The following DGLUCY variants were observed in gnomAD, a reference collection of about 807,000 sequenced individuals.
DGLUCY encodes D-glutamate cyclase, also known as D-glutamate cyclase, mitochondrial.
In DGLUCY, 58 loss-of-function variants were observed where a neutral mutation model predicts 58.5. The observed-to-expected ratio is 0.99, with a 90% CI of 0.80 to 1.23. DGLUCY has a LOEUF of 1.23. Ranked by LOEUF, DGLUCY falls within the 50% of genes most tolerant of loss-of-function variation. DGLUCY has a pLI of 0.00. For missense variants in DGLUCY, 779 were observed against 784.7 expected (o/e 0.99, Z 0.09); for synonymous variants, 325 against 314.1 (o/e 1.03, Z -0.37).
Position 91,199,782 on chromosome 14 carries a change from C to T in DGLUCY, c.1321C>T (p.Arg441Cys), listed in dbSNP as rs764941258. The T allele has an allele frequency of 9.3e-6, 15 of 1,614,018 alleles. No homozygotes were observed. Among genetic ancestry groups the T allele is most frequent in the South Asian group, 5.5e-5 (5 of 91,080 alleles). ...ATTTGACCACCTGGTGGCCATAGAGCGTGCCGGAAGAGCTGCTGATGGCAA... is the reference window on the plus strand; with the variant it reads ...ATTTGACCACCTGGTGGCCATAGAGTGTGCCGGAAGAGCTGCTGATGGCAA... ...PRFDHLVAIE[R>C]AGRAADGNYY... The change falls in exon 11 of 14, where the codon CGT becomes TGT. Residue 441 changes from arginine (R) to cysteine (C), a missense_variant. Physicochemically the swap from Arg to Cys is radical, Grantham distance 180. Transcript: ENST00000256324.
At chr14:91,127,053 C>T (rs201399628) in intron 1 of DGLUCY, among the ~76,000 whole-genome samples, 4 of 98,344 alleles carry the variant, frequency 4.1e-5, no homozygotes, top group African/African-American at 1.2e-4. Flanking sequence ...TGATGATACT[C>T]TTTTTTTTTT....
At chr14:91,076,147 C>T (rs928159189) in intron 1 of DGLUCY, among the ~76,000 whole-genome samples, 4 of 151,842 alleles carry the variant, frequency 2.6e-5, no homozygotes, top group Non-Finnish European at 5.9e-5. Context: ...CAGTGCCTGC[C>T]CTTAAGAAGC....
chr14:91,087,739 G>C (rs2044246537), intron 1 of DGLUCY, among the ~76,000 whole-genome samples: 1 of 152,226 alleles, frequency 6.6e-6, no homozygotes, highest in African/African-American at 2.4e-5. Context: ...ACTGGGCACA[G>C]CAGTAGGGTG....
At chr14:91,201,960 C>T (rs962201636) in intron 11 of DGLUCY, among the ~76,000 whole-genome samples, 14 of 151,614 alleles carry the variant, frequency 9.2e-5, no homozygotes, top group Non-Finnish European at 2.1e-4. Flanking sequence ...GAGGCTGAGG[C>T]AGGAGAATTG....
Position 91,141,483 on chromosome 14 carries a change from G to C in DGLUCY, c.-81-16156G>C, listed in dbSNP as rs575886252. On this transcript the variant is annotated intron_variant, in intron 1 of 13. Transcript: ENST00000256324. ...CATTTCATCCTTAGAACGATCACAT[G>C]AGATCCATATCCCTTGACTGTTCAG... is the stretch of plus-strand genomic sequence containing the variant. 2.6e-5 allele frequency among the ~76,000 whole-genome samples: 4 copies of C among 151,518 alleles called. No homozygotes were observed. The South Asian group carries it at 8.3e-4, about 31-fold the overall frequency.
intron 10 of DGLUCY, 145 bp from the exon 11 acceptor site, chr14:91,199,612 A>G (rs575419085): frequency 1.1e-6 from 1 of 895,486 alleles, no homozygotes; most frequent in East Asian, 2.5e-5. Flanking sequence ...CCTGGCCCAG[A>G]GTAGATGTGC....
chr14:91,089,566 A>G (rs779005037), intron 1 of DGLUCY, among the ~76,000 whole-genome samples: 2 of 152,208 alleles, frequency 1.3e-5, no homozygotes, highest in Non-Finnish European at 2.9e-5. Flanking sequence ...TTGCACCTGT[A>G]ATCCCAGCAC....
chr14:91,209,495 G>A (rs2140678507), intron 12 of DGLUCY, among the ~76,000 whole-genome samples: 1 of 152,296 alleles, frequency 6.6e-6, no homozygotes, highest in Admixed American at 6.5e-5. Flanking sequence ...GGATCACGAG[G>A]TCAGGAGATC....
chr14:91,184,174 C>G (rs1318215519), intron 8 of DGLUCY, among the ~76,000 whole-genome samples: 1 of 152,060 alleles, frequency 6.6e-6, no homozygotes, highest in African/African-American at 2.4e-5. Flanking sequence ...AGGACTGATT[C>G]CAGCACCAGT....
chr14:91,183,924 C>T (rs1051325389), intron 8 of DGLUCY, among the ~76,000 whole-genome samples: 4 of 152,050 alleles, frequency 2.6e-5, no homozygotes, highest in South Asian at 2.1e-4. Context: ...TCTCATGGGC[C>T]GTGCTCCTAA....
Position 91,196,417 on chromosome 14 carries a change from G to T in DGLUCY, c.1238G>T (p.Gly413Val). 6.2e-7 allele frequency: 1 copy of T among 1,614,156 alleles called. No individual in the cohort carries two copies. Among genetic ancestry groups the T allele is most frequent in the South Asian group, 1.1e-5 (1 of 91,080 alleles). Residue 413 changes from glycine (G) to valine (V), a missense_variant, in exon 10 of 14, where the codon GGA becomes GTA. Physicochemically the swap from Gly to Val is moderately radical, Grantham distance 109. Coordinates refer to ENST00000256324, the MANE Select transcript of DGLUCY (RefSeq NM_001102368.3). ...TQIPILTYQG[G>V]SVEAAQAFLC... ...ATCCCGATATTAACTTACCAAGGTGGATCAGTGGAAGCTGCTCAGGCATTC... is the reference window on the plus strand; with the variant it reads ...ATCCCGATATTAACTTACCAAGGTGTATCAGTGGAAGCTGCTCAGGCATTC...
chr14:91,100,142 A>G (rs895815328), intron 1 of DGLUCY, among the ~76,000 whole-genome samples: 4 of 152,084 alleles, frequency 2.6e-5, no homozygotes, highest in Non-Finnish European at 5.9e-5. Context: ...ACATTTGATG[A>G]GCCCAAGTTC....
intron 13 of DGLUCY, among the ~76,000 whole-genome samples, chr14:91,221,241 G>T (rs1279405478): frequency 6.6e-6 from 1 of 152,260 alleles, no homozygotes; most frequent in Non-Finnish European, 1.5e-5. Context: ...CACATGCCCA[G>T]TGGTAGGTAG....
At chr14:91,217,268 G>A (rs548748020) in intron 13 of DGLUCY, among the ~76,000 whole-genome samples, 1 of 152,330 alleles carries the variant, frequency 6.6e-6, no homozygotes, top group South Asian at 2.1e-4. Context: ...AGCAGCCTGA[G>A]GGATTAGAGG....
At chr14:91,091,946 CT>C (rs1334073788) in intron 1 of DGLUCY, among the ~76,000 whole-genome samples, 1 of 152,162 alleles carries the variant, frequency 6.6e-6, no homozygotes, top group African/African-American at 2.4e-5. Flanking sequence ...CTCTAGGGCT[CT>C]GTCCTCTGAT....
intron 12 of DGLUCY, 80 bp downstream of exon 12, chr14:91,204,905 C>G: frequency 1.3e-6 from 2 of 1,584,082 alleles, no homozygotes; most frequent in Non-Finnish European, 1.7e-6. Context: ...AGGCCAGAAG[C>G]TCTTCTTCTC....
chr14:91,122,153 G>A (rs908091099), intron 1 of DGLUCY, among the ~76,000 whole-genome samples: 72 of 151,720 alleles, frequency 4.7e-4, no homozygotes, highest in African/African-American at 1.6e-3. Flanking sequence ...TTATTAAGGA[G>A]CTTTTTATTT....
At chr14:91,192,222 C>T (rs2049943888) in intron 9 of DGLUCY, among the ~76,000 whole-genome samples, 1 of 152,152 alleles carries the variant, frequency 6.6e-6, no homozygotes, top group South Asian at 2.1e-4. Context: ...GGATGACCCT[C>T]GAGGACATCT....
chr14:91,135,670 A>C (rs1257440256), intron 1 of DGLUCY, among the ~76,000 whole-genome samples: 4 of 150,910 alleles, frequency 2.7e-5, no homozygotes, highest in African/African-American at 9.7e-5. Flanking sequence ...AAAAAAAAAA[A>C]AAAACAAGTA....
Sources: gnomAD v4.1 joint callset for allele counts (sites outside exome capture counted in the v4.1 genomes callset) on GRCh38, gnomAD v4.1.1 for gene constraint, MANE v1.5 for transcripts, NCBI Gene and HGNC (gene_info 2026-07-23, HGNC 2026-07-21) for gene names.